The following CDC42BPG variants were observed in gnomAD, a reference collection of about 807,000 sequenced individuals.
CDC42BPG encodes the protein serine/threonine-protein kinase MRCK gamma.
A neutral mutation model predicts 192.2 loss-of-function variants in CDC42BPG; 157 were observed. The observed-to-expected ratio is 0.82, with a 90% CI of 0.72 to 0.93. The LOEUF is 0.93. Among genes scored for constraint, CDC42BPG ranks in the 40% least tolerant of loss-of-function variants. The probability of loss-of-function intolerance (pLI) is 0.00; values close to 1 mark genes in which losing one functional copy is unlikely to be tolerated. For missense variants in CDC42BPG, 1,992 were observed against 2,122.1 expected (o/e 0.94, Z 1.20); for synonymous variants, 981 against 918.5 (o/e 1.07, Z -1.23).
intron 33 of CDC42BPG, 55 bp from the exon 34 acceptor site, chr11:64,827,222 G>A (rs1398989511): frequency 3.1e-6 from 5 of 1,613,278 alleles, no homozygotes; most frequent in South Asian, 1.1e-5. Context: ...CCTTCGACCC[G>A]TCCACAAGCG....
Position 64,844,272 on chromosome 11 carries a change from T to A in CDC42BPG, c.160+138A>T, listed in dbSNP as rs746317677. ...TGTGCGGGCCGCGGGGGTCCGGTGG[T>A]ACGCGTCAGGGCCACTGCAGGGAGT... On this transcript the variant is annotated intron_variant, in intron 1 of 36. Coordinates refer to ENST00000342711, the MANE Select transcript of CDC42BPG (RefSeq NM_017525.3). 2.0e-5 allele frequency: 16 copies of A among 794,652 alleles called. No homozygotes were observed. In the South Asian group the frequency reaches 2.0e-4, roughly 10 times the overall value. 49.2% of individuals were successfully genotyped at this position (794,652 alleles called of 1,614,324 possible).
At position 64,831,690 on chromosome 11, in the gene CDC42BPG, G is replaced by A; in HGVS notation, c.3119C>T (p.Thr1040Ile). ...TGCCAGCAGCAGCACAGTGCACGTG[G>A]TGGGCGGCACTGCCAGCTGGGAGGT... is the stretch of plus-strand genomic sequence containing the variant. ...VTTSQLAVPP[T>I]TCTVLLLAES... Residue 1040 changes from threonine (T) to isoleucine (I), a missense_variant, in exon 28 of 37, where the codon ACC becomes ATC. Thr to Ile is a moderately conservative substitution (Grantham distance 89). Coordinates refer to ENST00000342711, the MANE Select transcript of CDC42BPG (RefSeq NM_017525.3). The A allele has an allele frequency of 6.2e-7, 1 of 1,605,628 alleles. No homozygotes were observed. Among genetic ancestry groups the A allele is most frequent in the Non-Finnish European group, 8.5e-7 (1 of 1,178,362 alleles).
rs781288537 is a variant in CDC42BPG, at chr11:64,836,717, G to A, written c.1384+22C>T. 8.5e-5 allele frequency: 73 copies of A among 858,646 alleles called. 6 individuals are homozygous for A. The highest frequency in any genetic ancestry group is 6.2e-4 in the East Asian group (21 of 34,094). 53.2% of individuals were successfully genotyped at this position (858,646 alleles called of 1,614,324 possible). A position where few individuals can be genotyped will look rare whatever the true frequency, so the allele number is the denominator to read the frequency against. The stretch of plus-strand genomic sequence containing the variant: ...GTGGGACTCAGCCCTGGGGGGGGGG[G>A]GGGGGTGGGCGGAAGGGATACCTGG... On this transcript the variant is annotated intron_variant, in intron 11 of 36. Transcript: ENST00000342711.
At chr11:64,825,123 G>A (rs1182641550) in intron 36 of CDC42BPG, among the ~76,000 whole-genome samples, 1 of 152,064 alleles carries the variant, frequency 6.6e-6, no homozygotes, top group Admixed American at 6.6e-5. Flanking sequence ...CACCATGTTG[G>A]CCAGGCTGGT....
At position 64,833,837 on chromosome 11, in the gene CDC42BPG, C is replaced by G. The variant is rs1323159444; in HGVS notation, c.2467-1G>C. On this transcript the variant is annotated splice_acceptor_variant, in intron 21 of 36. Coordinates refer to ENST00000342711, the MANE Select transcript of CDC42BPG (RefSeq NM_017525.3). LOFTEE classifies it high-confidence loss of function. ...TGCCAGGGTCCTTGGCAGAATCCTT[C>G]TGGGGGTGGGAGAGAGAGGAGCAAA... 6.2e-7 allele frequency: 1 copy of G among 1,614,250 alleles called. No homozygotes were observed. Among genetic ancestry groups the G allele is most frequent in the Admixed American group, 1.7e-5 (1 of 60,028 alleles).
At chr11:64,836,705 C>CCCGGGGGGGGGGGG in intron 11 of CDC42BPG, 34 bp downstream of exon 11, 1 of 352,552 alleles carries the variant, frequency 2.8e-6, no homozygotes, top group Non-Finnish European at 4.2e-6. Context: ...GGACTCAGCC[C>CCCGGGGGGGGGGGG]TGGGGGGGGG....
intron 11 of CDC42BPG, 32 bp downstream of exon 11, chr11:64,836,707 G>GA: frequency 3.3e-6 from 2 of 603,806 alleles, no homozygotes. Flanking sequence ...ACTCAGCCCT[G>GA]GGGGGGGGGG....
intron 24 of CDC42BPG, 25 bp from the exon 25 acceptor site, chr11:64,832,984 A>G: frequency 1.3e-6 from 2 of 1,511,092 alleles, no homozygotes; most frequent in Non-Finnish European, 1.8e-6. Context: ...GAGAAGGTGG[A>G]TGAGGTGAGG....
Position 64,844,408 on chromosome 11 carries a change from AC to A in CDC42BPG, c.160+1del. 1.4e-6 allele frequency: 2 copies of A among 1,442,610 alleles called. No homozygotes were observed. Among genetic ancestry groups the A allele is most frequent in the Non-Finnish European group, 9.1e-7 (1 of 1,102,590 alleles). The allele number at this position is 1,442,610 out of a possible 1,614,324, so 89.4% of individuals were successfully genotyped here. A position where few individuals can be genotyped will look rare whatever the true frequency, so the allele number is the denominator to read the frequency against. On this transcript the variant is annotated splice_donor_variant, in intron 1 of 36. Coordinates refer to ENST00000342711, the MANE Select transcript of CDC42BPG (RefSeq NM_017525.3). LOFTEE classifies it high-confidence loss of function. ...CCCGCTCCGTGCCGCCCCGCCACTC[AC>A]CCCAGCTCAGGAACTGCGCCACGCT... is the stretch of plus-strand genomic sequence containing the variant.
At chr11:64,827,810 C>A (rs369710999) in intron 30 of CDC42BPG, 27 bp from the exon 31 acceptor site, 56 of 1,563,732 alleles carry the variant, frequency 3.6e-5, no homozygotes, top group Non-Finnish European at 4.4e-5. Context: ...CACCTCTGAG[C>A]TGTTTCCCCC....
chr11:64,838,237 G>C, intron 8 of CDC42BPG, 75 bp from the exon 9 acceptor site: 1 of 1,116,958 alleles, frequency 9.0e-7, no homozygotes, highest in Non-Finnish European at 1.3e-6. Context: ...AGCCCCCTGG[G>C]ACCAGGTGCG....
At chr11:64,833,426 C>A (rs992317913) in intron 23 of CDC42BPG, 90 bp from the exon 24 acceptor site, 1 of 960,180 alleles carries the variant, frequency 1.0e-6, no homozygotes, top group Admixed American at 2.5e-5. Context: ...CTGAGCCAGG[C>A]AACAGTGACC....
chr11:64,838,373 A>G (rs1023941479), intron 8 of CDC42BPG, among the ~76,000 whole-genome samples: 1 of 152,174 alleles, frequency 6.6e-6, no homozygotes, highest in African/African-American at 2.4e-5. Context: ...TAGTTAATAG[A>G]ATGATACCTG....
chr11:64,827,300 C>G lies in CDC42BPG; in HGVS notation c.4249G>C (p.Glu1417Gln), dbSNP rs1327380722. The change falls in exon 33 of 37, where the codon GAG becomes CAG. Residue 1417 changes from glutamate (E) to glutamine (Q), a missense_variant. Physicochemically the swap from Glu to Gln is conservative, Grantham distance 29 (BLOSUM62 2). Around this residue, in one of 2 missense-constraint regions of CDC42BPG, gnomAD observed 336 missense variants for 277.9 expected, o/e 1.21. Transcript: ENST00000342711. ...KRRFFFRVSE[E>Q]QQKQQRREML... The stretch of plus-strand genomic sequence containing the variant: ...CACCTGCGCTGCTGCTTCTGCTGCT[C>G]CTCCGACACGCGGAAAAAGAAGCGG... 1 of 1,613,900 alleles carries G rather than the reference C, an allele frequency of 6.2e-7. No individual in the cohort carries two copies. The highest frequency in any genetic ancestry group is 8.5e-7 in the Non-Finnish European group (1 of 1,179,924).
rs1943218089 is a variant in CDC42BPG at position 64,840,225 on chromosome 11, A to C, written c.476T>G (p.Leu159Arg). Reference sequence around the variant, plus strand: ...GAGACGGTCCTCGAAGCGGCTCAGCAGCGTCAGGAGGTCCCCACCAGCATA... The same window carrying C: ...GAGACGGTCCTCGAAGCGGCTCAGCCGCGTCAGGAGGTCCCCACCAGCATA... ...DYYAGGDLLT[L>R]LSRFEDRLPP... is the part of the protein sequence containing the mutation. The change falls in exon 5 of 37, where the codon CTG becomes CGG. Residue 159 changes from leucine to arginine, a missense_variant. Coordinates refer to ENST00000342711, the MANE Select transcript of CDC42BPG (RefSeq NM_017525.3). The C allele has an allele frequency of 1.2e-6, 2 of 1,612,904 alleles. No individual in the cohort carries two copies. The highest frequency in any genetic ancestry group is 1.3e-5 in the African/African-American group (1 of 74,938).
At chr11:64,836,708 G>GAGC in intron 11 of CDC42BPG, 31 bp downstream of exon 11, 1 of 695,692 alleles carries the variant, frequency 1.4e-6, no homozygotes, top group South Asian at 2.0e-5. Context: ...CTCAGCCCTG[G>GAGC]GGGGGGGGGG....
intron 1 of CDC42BPG, among the ~76,000 whole-genome samples, chr11:64,843,735 T>C (rs1943381715): frequency 1.3e-5 from 2 of 152,022 alleles, no homozygotes; most frequent in Non-Finnish European, 1.5e-5. Context: ...TACAGACCCA[T>C]CTCCAGCTAG....
In CDC42BPG at chr11:64,835,591, T is replaced by C. The variant is rs1942944703; in HGVS notation, c.1789A>G (p.Met597Val). Residue 597 changes from methionine (M) to valine (V), a missense_variant, in exon 15 of 37, where the codon ATG becomes GTG. Met to Val is a conservative substitution (Grantham distance 21). This residue lies in a region of CDC42BPG where 1,656 missense variants were observed against 1,844.3 expected (regional missense o/e 0.90). Coordinates refer to ENST00000342711, the MANE Select transcript of CDC42BPG (RefSeq NM_017525.3). The part of the protein sequence containing the change: ...TIHTASETNG[M>V]GPPEGGPQEA... ...TGAGGCCCACCCTCAGGGGGTCCCA[T>C]CCCGTTGGTCTCAGAGGCTGTGTGG... The C allele has an allele frequency of 1.9e-6, 3 of 1,576,598 alleles. No homozygotes were observed. The highest frequency in any genetic ancestry group is 2.6e-6 in the Non-Finnish European group (3 of 1,164,480).
chr11:64,835,884 C>T, intron 13 of CDC42BPG, 33 bp from the exon 14 acceptor site: 1 of 1,576,434 alleles, frequency 6.3e-7, no homozygotes, highest in Non-Finnish European at 8.6e-7. Flanking sequence ...CCACTGCCAA[C>T]TCTGCCCTCG....
Sources: allele counts gnomAD v4.1 joint callset (sites outside exome capture counted in the v4.1 genomes callset), GRCh38; gene constraint gnomAD v4.1.1; regional missense constraint gnomAD v4.1.1; transcripts MANE v1.5; gene names NCBI Gene and HGNC (gene_info 2026-07-23, HGNC 2026-07-21).